Variants in CELA3B observed in about 807,000 individuals in gnomAD.
CELA3B encodes chymotrypsin like elastase 3B.
A neutral mutation model predicts 37.2 loss-of-function variants in CELA3B; 34 were observed. The observed-to-expected ratio is 0.91, with a 90% CI of 0.70 to 1.22. The LOEUF (loss-of-function observed/expected upper bound fraction) is 1.22, where lower values mean the gene tolerates loss of function less well. Ranked by LOEUF, CELA3B falls within the 50% of genes most tolerant of loss-of-function variation. The pLI is 0.00. For missense variants in CELA3B, 340 were observed against 363.1 expected (o/e 0.94, Z 0.52); for synonymous variants, 127 against 143.5 (o/e 0.89, Z 0.82).
chr1:21,982,596 C>CAA (rs71016964), intron 4 of CELA3B, among the ~76,000 whole-genome samples: 14 of 150,648 alleles, frequency 9.3e-5, no homozygotes, highest in African/African-American at 1.7e-4. Context: ...TACCCTGTCT[C>CAA]AAAAAAAAAG....
In CELA3B at chr1:21,986,530, G is replaced by A; in HGVS notation, c.643-1G>A. ...CACCCACACCTCTCTGACGGTTCCA[G>A]GGTGACTCTGGAGGACCCCTCAACT... is the stretch of plus-strand genomic sequence containing the variant. On this transcript the variant is annotated splice_acceptor_variant, in intron 6 of 7. Transcript: ENST00000337107. LOFTEE classifies it high-confidence loss of function. The A allele has an allele frequency of 6.2e-7, 1 of 1,614,012 alleles. No homozygotes were observed. Among genetic ancestry groups the A allele is most frequent in the South Asian group, 1.1e-5 (1 of 91,068 alleles).
chr1:21,981,230 C>T (rs1644802518), intron 4 of CELA3B, 58 bp downstream of exon 4: 3 of 1,572,702 alleles, frequency 1.9e-6, no homozygotes, highest in Non-Finnish European at 2.6e-6. Flanking sequence ...CTCCATGACC[C>T]ACAGCCAAGT....
chr1:21,981,929 G>T (rs866275896), intron 4 of CELA3B, among the ~76,000 whole-genome samples: 4 of 152,010 alleles, frequency 2.6e-5, no homozygotes, highest in South Asian at 2.1e-4. Context: ...GTTTCACCGT[G>T]TTAGCCAGGA....
chr1:21,989,587 G>A (rs1412576824), downstream of CELA3B, among the ~76,000 whole-genome samples: 2,823 of 117,470 alleles, frequency 0.024, 19 homozygotes, highest in East Asian at 0.045. Flanking sequence ...AAGGTACCAG[G>A]AAAAATGGGA....
chr1:21,988,297 A>AT (rs35992019), intron 7 of CELA3B, among the ~76,000 whole-genome samples: 83,209 of 149,110 alleles, frequency 0.56, 22,327 homozygotes, highest in Middle Eastern at 0.73. Context: ...ATGTTAAAAA[A>AT]ATATATATAT....
At chr1:21,982,371 G>T (rs548791501) in intron 4 of CELA3B, among the ~76,000 whole-genome samples, 2 of 152,208 alleles carry the variant, frequency 1.3e-5, no homozygotes, top group South Asian at 2.1e-4. Flanking sequence ...GAGGTGGGTG[G>T]ATCACTTGAG....
chr1:21,995,148 T>C (rs962948257), intron 4 of CELA3B, among the ~76,000 whole-genome samples: 28 of 72,352 alleles, frequency 3.9e-4, no homozygotes, highest in South Asian at 4.4e-4. Context: ...TTCTTTCTTT[T>C]TTTTTTTTTT....
At chr1:21,995,782 G>A (rs1020963489) in intron 4 of CELA3B, among the ~76,000 whole-genome samples, 11 of 145,516 alleles carry the variant, frequency 7.6e-5, no homozygotes, top group African/African-American at 2.1e-4. Context: ...TCCTGAGGCT[G>A]GAAGAAGGAA....
At chr1:21,981,361 C>A (rs1380108222) in intron 4 of CELA3B, among the ~76,000 whole-genome samples, 189 bp downstream of exon 4, 3 of 143,840 alleles carry the variant, frequency 2.1e-5, no homozygotes, top group Non-Finnish European at 4.6e-5. Context: ...CCATCACCAC[C>A]AAACCTGTCT....
chr1:21,995,610 C>A (rs1488526695), intron 4 of CELA3B, among the ~76,000 whole-genome samples: 2 of 150,860 alleles, frequency 1.3e-5, no homozygotes, highest in Non-Finnish European at 1.5e-5. Flanking sequence ...CCCTTTTTTT[C>A]ATCTGGAATG....
chr1:21,991,745 A>G (rs1282029407), downstream of CELA3B, among the ~76,000 whole-genome samples: 1 of 151,392 alleles, frequency 6.6e-6, no homozygotes, highest in Non-Finnish European at 1.5e-5. Flanking sequence ...GATCAGAAAC[A>G]GGCACTCCAA....
At chr1:21,985,901 A>AT (rs1644836106) in intron 6 of CELA3B, among the ~76,000 whole-genome samples, 1 of 93,076 alleles carries the variant, frequency 1.1e-5, no homozygotes, top group Admixed American at 1.3e-4. Context: ...AGAAAAAAAA[A>AT]GAATACTATC....
intron 4 of CELA3B, among the ~76,000 whole-genome samples, chr1:21,981,836 C>T (rs1180669826): frequency 6.6e-6 from 1 of 152,012 alleles, no homozygotes; most frequent in Non-Finnish European, 1.5e-5. Context: ...CACCATTCTC[C>T]TGCCTCAGCG....
downstream of CELA3B, among the ~76,000 whole-genome samples, chr1:21,992,084 C>T (rs1208313807): frequency 6.6e-6 from 1 of 150,922 alleles, no homozygotes; most frequent in Non-Finnish European, 1.5e-5. Context: ...CATGCCATTG[C>T]ACTCCAGCCT....
chr1:21,991,743 A>G (rs1644869764), downstream of CELA3B, among the ~76,000 whole-genome samples: 3 of 151,544 alleles, frequency 2.0e-5, no homozygotes, highest in Non-Finnish European at 4.4e-5. Context: ...GAGATCAGAA[A>G]CAGGCACTCC....
chr1:21,996,650 A>G (rs1358125061), intron 4 of CELA3B, among the ~76,000 whole-genome samples: 1 of 151,178 alleles, frequency 6.6e-6, no homozygotes, highest in Non-Finnish European at 1.5e-5. Context: ...CACAAGATCC[A>G]AGAACCCTCT....
chr1:21,984,999 T>C (rs919051317), intron 6 of CELA3B, among the ~76,000 whole-genome samples: 8 of 151,896 alleles, frequency 5.3e-5, no homozygotes. Flanking sequence ...CCATCATTGT[T>C]CTGGGCACAG....
intron 2 of CELA3B, among the ~76,000 whole-genome samples, chr1:21,978,908 A>C (rs940325646): frequency 1.3e-5 from 2 of 151,574 alleles, no homozygotes; most frequent in African/African-American, 4.8e-5. Context: ...TAGGCCGGGC[A>C]CGGTGGCTCA....
chr1:21,994,642 C>T (rs565070067), intron 4 of CELA3B, among the ~76,000 whole-genome samples: 11 of 150,998 alleles, frequency 7.3e-5, no homozygotes, highest in African/African-American at 2.7e-4. Context: ...AGCCTGAGCT[C>T]GGGTGCATCT....
Sources: gnomAD v4.1 joint callset for allele counts (sites outside exome capture counted in the v4.1 genomes callset) on GRCh38, gnomAD v4.1.1 for gene constraint, MANE v1.5 for transcripts, NCBI Gene and HGNC (gene_info 2026-07-23, HGNC 2026-07-21) for gene names.